The following LINGO2 variants were observed in gnomAD, a reference collection of about 807,000 sequenced individuals.
The protein encoded by LINGO2 is leucine rich repeat and Ig domain containing 2, also known as leucine-rich repeat and immunoglobulin-like domain-containing nogo receptor-interacting protein 2.
LINGO2 carries 14 observed loss-of-function variants against 30.6 expected under a neutral mutation model. The observed-to-expected ratio is 0.46, with a 90% CI of 0.30 to 0.72. LINGO2 has a LOEUF of 0.72. Ranked by LOEUF, LINGO2 falls within the 30% of genes least tolerant of loss-of-function variation. The pLI, the probability that LINGO2 is intolerant of heterozygous loss-of-function variation, is 0.07. For synonymous variants in LINGO2, 317 were observed against 288.5 expected (o/e 1.10, Z -1.00); for missense variants, 729 against 751.7 (o/e 0.97, Z 0.35).
chr9:28,884,974 ATATATAATATATAATAATATAT>A, the LINGO2 span, among the ~76,000 whole-genome samples: 1,433 of 12,728 alleles, frequency 0.11, 203 homozygotes, highest in East Asian at 0.21. Flanking sequence ...TATATATAAT[ATATATAATATATAATAATATAT>A]TATATATATA....
chr9:28,475,197 G>A (rs972960117), intron 2 of LINGO2, among the ~76,000 whole-genome samples: 1 of 152,060 alleles, frequency 6.6e-6, no homozygotes, highest in Non-Finnish European at 1.5e-5. Flanking sequence ...GTATTCATAA[G>A]CTATTTATAC....
intron 4 of LINGO2, among the ~76,000 whole-genome samples, chr9:28,108,951 TA>T (rs902601488): frequency 3.3e-5 from 5 of 151,166 alleles, no homozygotes; most frequent in African/African-American, 9.7e-5. Flanking sequence ...CTTCATGCTA[TA>T]AAAAAAAGGA....
chr9:28,124,578 C>T (rs1363131502), intron 4 of LINGO2, among the ~76,000 whole-genome samples: 1 of 152,100 alleles, frequency 6.6e-6, no homozygotes, highest in Non-Finnish European at 1.5e-5. Flanking sequence ...TTTATGGATG[C>T]ACATATAATT....
At chr9:28,557,998 G>A (rs1288534928) in intron 1 of LINGO2, among the ~76,000 whole-genome samples, 2 of 121,498 alleles carry the variant, frequency 1.6e-5, no homozygotes, top group Non-Finnish European at 3.3e-5. Context: ...GACTGTGGTG[G>A]GGTGGGGGGA....
chr9:28,042,222 T>G (rs1292260815), intron 4 of LINGO2, among the ~76,000 whole-genome samples: 1 of 152,198 alleles, frequency 6.6e-6, no homozygotes, highest in Non-Finnish European at 1.5e-5. Flanking sequence ...CTGGTTCATT[T>G]AAGAACAGAC....
chr9:28,884,943 TATATAA>T, the LINGO2 span, among the ~76,000 whole-genome samples: 1 of 19,592 alleles, frequency 5.1e-5, no homozygotes, highest in African/African-American at 1.2e-4. Context: ...ATATATAATA[TATATAA>T]TATATAATAT....
the LINGO2 span, among the ~76,000 whole-genome samples, chr9:28,758,741 T>C: frequency 6.6e-6 from 1 of 152,116 alleles, no homozygotes; most frequent in South Asian, 2.1e-4. Context: ...TGTTATCTTA[T>C]AATTAAATGC....
chr9:28,664,706 A>AT (rs1828723820), intron 1 of LINGO2, among the ~76,000 whole-genome samples: 2 of 151,912 alleles, frequency 1.3e-5, no homozygotes, highest in African/African-American at 2.4e-5. Context: ...TGGGGACTAG[A>AT]TTTTTTTGTC....
intron 2 of LINGO2, among the ~76,000 whole-genome samples, chr9:28,388,694 T>G (rs912663213): frequency 6.6e-6 from 1 of 152,222 alleles, no homozygotes; most frequent in Non-Finnish European, 1.5e-5. Flanking sequence ...TGCCTATTTA[T>G]GGTATTTCCT....
chr9:28,152,014 C>A (rs374100116), intron 4 of LINGO2, among the ~76,000 whole-genome samples: 1 of 152,092 alleles, frequency 6.6e-6, no homozygotes, highest in African/African-American at 2.4e-5. Context: ...GGCTTAATAA[C>A]CCTACCAAAT....
At chr9:28,320,433 C>A (rs574008814) in intron 3 of LINGO2, among the ~76,000 whole-genome samples, 2 of 152,212 alleles carry the variant, frequency 1.3e-5, no homozygotes, top group South Asian at 4.1e-4. Flanking sequence ...TGCAGTTAGC[C>A]GACATAATTG....
the LINGO2 span, among the ~76,000 whole-genome samples, chr9:28,678,884 TTTAA>T: frequency 1.3e-5 from 2 of 152,154 alleles, no homozygotes; most frequent in Non-Finnish European, 2.9e-5. Context: ...TACATATTTA[TTTAA>T]TTAATCAGGT....
intron 1 of LINGO2, among the ~76,000 whole-genome samples, chr9:28,600,904 C>G (rs1275747185): frequency 6.6e-6 from 1 of 152,078 alleles, no homozygotes; most frequent in Non-Finnish European, 1.5e-5. Flanking sequence ...CCACACCTTC[C>G]ACATGGTAGA....
the LINGO2 span, among the ~76,000 whole-genome samples, chr9:28,838,609 T>C: frequency 6.6e-6 from 1 of 151,906 alleles, no homozygotes; most frequent in African/African-American, 2.4e-5. Flanking sequence ...AATCTGGGGG[T>C]CATCTTTCAT....
At chr9:28,254,611 C>T (rs191886191) in intron 4 of LINGO2, among the ~76,000 whole-genome samples, 29 of 152,148 alleles carry the variant, frequency 1.9e-4, no homozygotes, top group Admixed American at 5.9e-4. Flanking sequence ...AGGTTCACTT[C>T]CATCATATCC....
rs79035567 is a variant in LINGO2 at position 28,161,164 on chromosome 9, T to C, written c.-87+134044A>G. Among the ~76,000 whole-genome samples the C allele has an allele frequency of 2.6e-3, 395 of 152,334 alleles. 11 individuals are homozygous for C. The East Asian group carries it at 0.065, about 25-fold the overall frequency. The stretch of plus-strand genomic sequence containing the variant: ...TGAAATTATTCCTAATAGCTTTAAG[T>C]TGTATAAATTAACTTTGCTATTAAT... On this transcript the variant is annotated intron_variant, in intron 4 of 5. Coordinates refer to ENST00000379992, the Ensembl canonical transcript of LINGO2.
intron 3 of LINGO2, among the ~76,000 whole-genome samples, chr9:28,355,545 A>G (rs1372224078): frequency 2.0e-5 from 3 of 152,200 alleles, no homozygotes; most frequent in South Asian, 2.1e-4. Flanking sequence ...AGGTAACAAC[A>G]AAAGCTTTCT....
intron 1 of LINGO2, among the ~76,000 whole-genome samples, chr9:28,573,271 T>C (rs896189935): frequency 2.0e-5 from 3 of 152,198 alleles, no homozygotes; most frequent in African/African-American, 7.2e-5. Flanking sequence ...ATCCAGATTA[T>C]TGAAGTATAC....
At position 28,330,034 on chromosome 9, in the gene LINGO2, G is replaced by T. The variant is rs546039515; in HGVS notation, c.-245-34668C>A. Among the ~76,000 whole-genome samples the T allele has an allele frequency of 2.4e-3, 368 of 152,192 alleles. 2 individuals carry two copies. The highest frequency in any genetic ancestry group is 8.1e-3 in the African/African-American group (336 of 41,510). ...ATAACCCCCAATGCGATAGTGTTTGGAGATGAGGTCTTTAAGTGGTAATCA... is the reference window on the plus strand; with the variant it reads ...ATAACCCCCAATGCGATAGTGTTTGTAGATGAGGTCTTTAAGTGGTAATCA... On this transcript the variant is annotated intron_variant, in intron 3 of 5. Coordinates refer to ENST00000379992, the Ensembl canonical transcript of LINGO2.
Sources: gnomAD v4.1 joint callset for allele counts (sites outside exome capture counted in the v4.1 genomes callset) on GRCh38, gnomAD v4.1.1 for gene constraint, MANE v1.5 for transcripts, NCBI Gene and HGNC (gene_info 2026-07-23, HGNC 2026-07-21) for gene names.